DNAH11: variants seen among roughly 807,000 people sequenced by gnomAD.
DNAH11 encodes dynein axonemal heavy chain 11.
DNAH11 carries 442 observed loss-of-function variants against 526.0 expected under a neutral mutation model. The observed-to-expected ratio is 0.84, with a 90% CI of 0.78 to 0.91. DNAH11 has a LOEUF of 0.91. DNAH11 is among the 40% of genes least tolerant of loss of function. DNAH11 has a pLI of 0.00. For missense variants in DNAH11, 6,989 were observed against 5,448.7 expected, an observed-to-expected ratio of 1.28 and a Z score of -8.90; for synonymous variants, 2,461 against 1,935.9, an observed-to-expected ratio of 1.27 and a Z score of -7.12.
At position 21,748,758 on chromosome 7, in the gene DNAH11, A is replaced by G. The variant is rs749264617; in HGVS notation, c.8673+16A>G. The stretch of plus-strand genomic sequence containing the variant: ...GGAACTTCGGGTGAGTCAAGGGGAC[A>G]GGCAGTTCTTCTGACCCTTCTGCTT... On this transcript the variant is annotated intron_variant, in intron 52 of 81. Coordinates refer to ENST00000409508, the MANE Select transcript of DNAH11 (RefSeq NM_001277115.2). 2.5e-6 allele frequency: 4 copies of G among 1,608,556 alleles called. No individual in the cohort carries two copies. Among genetic ancestry groups the G allele is most frequent in the Admixed American group, 1.7e-5 (1 of 59,694 alleles).
intron 61 of DNAH11, among the ~76,000 whole-genome samples, chr7:21,792,455 G>T (rs1788516713): frequency 6.6e-6 from 1 of 152,096 alleles, no homozygotes; most frequent in Non-Finnish European, 1.5e-5. Flanking sequence ...TCAATTTTTT[G>T]AAAAAGTTTG....
At chr7:21,848,744 A>G (rs1045344663) in intron 66 of DNAH11, among the ~76,000 whole-genome samples, 1 of 152,042 alleles carries the variant, frequency 6.6e-6, no homozygotes, top group Non-Finnish European at 1.5e-5. Flanking sequence ...TAAGCATTTT[A>G]TATGATTCTA....
chr7:21,857,012 A>G (rs961293006), intron 68 of DNAH11, among the ~76,000 whole-genome samples: 1 of 152,208 alleles, frequency 6.6e-6, no homozygotes, highest in African/African-American at 2.4e-5. Context: ...CAAGAGATTT[A>G]AAAGAAGAAG....
intron 59 of DNAH11, 144 bp downstream of exon 59, chr7:21,786,911 C>G: frequency 8.0e-7 from 1 of 1,251,518 alleles, no homozygotes. Context: ...TATATGTTCT[C>G]TAGACTTACA....
chr7:21,773,613 G>A (rs577445391), intron 55 of DNAH11, among the ~76,000 whole-genome samples, 153 bp from the exon 56 acceptor site: 30 of 152,060 alleles, frequency 2.0e-4, no homozygotes, highest in African/African-American at 7.2e-4. Flanking sequence ...AAATCCTGTG[G>A]ATAGCGCTTA....
chr7:21,761,703 C>A (rs187765926), intron 54 of DNAH11, among the ~76,000 whole-genome samples: 5 of 152,154 alleles, frequency 3.3e-5, no homozygotes, highest in Non-Finnish European at 5.9e-5. Flanking sequence ...ATGCCACCCT[C>A]CCAGGCCCAC....
At chr7:21,755,937 A>C (rs985963856) in intron 54 of DNAH11, among the ~76,000 whole-genome samples, 7 of 152,136 alleles carry the variant, frequency 4.6e-5, no homozygotes, top group African/African-American at 1.7e-4. Flanking sequence ...TGTTGGTTAT[A>C]GGAGCACTTT....
At chr7:21,658,039 C>G (rs1782090635) in intron 29 of DNAH11, among the ~76,000 whole-genome samples, 1 of 151,898 alleles carries the variant, frequency 6.6e-6, no homozygotes, top group Non-Finnish European at 1.5e-5. Context: ...ATATATGTAT[C>G]ACTTTAATTA....
chr7:21,861,945 C>A lies in DNAH11; in HGVS notation c.11295C>A (p.Thr3765=). 1 of 1,613,658 alleles carries A rather than the reference C, an allele frequency of 6.2e-7. No individual in the cohort carries two copies. Among genetic ancestry groups the A allele is most frequent in the Admixed American group, 1.7e-5 (1 of 60,000 alleles). ...TCTCTATCCTGATGGAGAGCATCAC[C>A]CATGCTGTCTTCCTCTACACCAGCC... ...GRISILMESI[T]HAVFLYTSQA... Residue 3765 remains threonine (T), a synonymous_variant, in exon 69 of 82, where the codon ACC becomes ACA. Transcript: ENST00000409508.
intron 5 of DNAH11, among the ~76,000 whole-genome samples, chr7:21,561,626 G>C (rs1302238906): frequency 2.0e-5 from 3 of 152,136 alleles, no homozygotes; most frequent in African/African-American, 4.8e-5. Flanking sequence ...TGGAGGGTTT[G>C]TTGAACTTTG....
intron 25 of DNAH11, among the ~76,000 whole-genome samples, chr7:21,624,445 T>C (rs1056096939): frequency 2.0e-5 from 3 of 152,184 alleles, no homozygotes; most frequent in African/African-American, 7.2e-5. Context: ...TTATTAGTTC[T>C]AACAGTTTTA....
chr7:21,572,315 C>T (rs547584031), intron 8 of DNAH11, among the ~76,000 whole-genome samples: 62 of 152,294 alleles, frequency 4.1e-4, no homozygotes, highest in African/African-American at 1.4e-3. Context: ...TCTTGAATCA[C>T]TGGATGTTTT....
At chr7:21,616,545 C>T (rs577617974) in intron 22 of DNAH11, among the ~76,000 whole-genome samples, 1 of 152,152 alleles carries the variant, frequency 6.6e-6, no homozygotes, top group Non-Finnish European at 1.5e-5. Flanking sequence ...GAGCTTCCTA[C>T]AGCTTCCTAG....
chr7:21,807,325 C>A (rs1042816652), intron 62 of DNAH11, among the ~76,000 whole-genome samples: 1 of 152,054 alleles, frequency 6.6e-6, no homozygotes, highest in African/African-American at 2.4e-5. Flanking sequence ...ATGGTGAAGC[C>A]CCGTCTCTAC....
intron 73 of DNAH11, among the ~76,000 whole-genome samples, chr7:21,869,791 A>G (rs1372759016): frequency 1.3e-5 from 2 of 152,240 alleles, no homozygotes; most frequent in African/African-American, 4.8e-5. Flanking sequence ...GGGTTTGAGT[A>G]GACAACTCCT....
chr7:21,608,123 C>T (rs1052751277), intron 20 of DNAH11, among the ~76,000 whole-genome samples: 5 of 150,792 alleles, frequency 3.3e-5, no homozygotes, highest in Non-Finnish European at 5.9e-5. Flanking sequence ...TAACCATAGT[C>T]AAGGAAGCCC....
rs537740951 is a variant in DNAH11 at position 21,621,121 on chromosome 7, A to C, written c.4500+1043A>C. On this transcript the variant is annotated intron_variant, in intron 25 of 81. Transcript: ENST00000409508. ...GGTCAAATGGTATTTCTAGTTCTAG[A>C]TCCCTGAGGAATCGCCACACTGACT... Among the ~76,000 whole-genome samples, 5 of 152,234 alleles carry C rather than the reference A, an allele frequency of 3.3e-5. No homozygotes were observed. In the East Asian group the frequency reaches 9.7e-4, roughly 29 times the overall value.
chr7:21,869,079 A>T, intron 73 of DNAH11, 88 bp downstream of exon 73: 1 of 1,567,716 alleles, frequency 6.4e-7, no homozygotes, highest in Non-Finnish European at 8.7e-7. Context: ...ATGCTCCCTT[A>T]ACACCGCTGT....
intron 49 of DNAH11, among the ~76,000 whole-genome samples, chr7:21,742,449 G>A (rs1785948621): frequency 6.6e-6 from 1 of 152,090 alleles, no homozygotes; most frequent in African/African-American, 2.4e-5. Context: ...AGTGGAGGCA[G>A]GTCCCCAAAC....
Sources: gnomAD v4.1 joint callset for allele counts (sites outside exome capture counted in the v4.1 genomes callset) on GRCh38, gnomAD v4.1.1 for gene constraint, MANE v1.5 for transcripts, NCBI Gene and HGNC (gene_info 2026-07-23, HGNC 2026-07-21) for gene names.